Variants in DTNBP1 observed in about 807,000 individuals in gnomAD.
DTNBP1 encodes dystrobrevin binding protein 1.
A neutral mutation model predicts 42.8 loss-of-function variants in DTNBP1; 35 were observed. That is an observed-to-expected ratio of 0.82 (90% confidence interval 0.63 to 1.09). The LOEUF (loss-of-function observed/expected upper bound fraction) is 1.09, where lower values mean the gene tolerates loss of function less well. Ranked by LOEUF, DTNBP1 falls within the 50% of genes least tolerant of loss-of-function variation. DTNBP1 has a pLI of 0.00. For synonymous variants in DTNBP1, 171 were observed against 162.2 expected (o/e 1.05, Z -0.41); for missense variants, 457 against 424.2 (o/e 1.08, Z -0.68).
chr6:15,636,157 C>CTTTTTTTTTTTTTTT lies in DTNBP1; in HGVS notation c.222+1572_222+1586dup, dbSNP rs70996562. On this transcript the variant is annotated intron_variant, in intron 4 of 9. Transcript: ENST00000344537. ...GTCAAAGAACACAAATTACCTGCAC[C>CTTTTTTTTTTTTTTT]TTTTTTTTTTTTTTTGAGACAGAGT... Among the ~76,000 whole-genome samples the CTTTTTTTTTTTTTTT allele has an allele frequency of 5.4e-4, 68 of 126,990 alleles. 2 individuals carry two copies. The highest frequency in any genetic ancestry group is 1.3e-3 in the African/African-American group (41 of 31,548). 83.3% of individuals were successfully genotyped at this position (126,990 alleles called of 152,430 possible).
At chr6:15,638,284 C>T (rs970525425) in intron 3 of DTNBP1, among the ~76,000 whole-genome samples, 5 of 152,010 alleles carry the variant, frequency 3.3e-5, no homozygotes, top group African/African-American at 9.7e-5. Context: ...TGTGCCACCA[C>T]GCCCTGCTAA....
chr6:15,549,107 C>A lies in DTNBP1; in HGVS notation c.512-15712G>T, dbSNP rs183043388. On this transcript the variant is annotated intron_variant, in intron 7 of 9. Coordinates refer to ENST00000344537, the MANE Select transcript of DTNBP1 (RefSeq NM_032122.5). ...AAAATGCAGTTGCAAATAATATCAC[C>A]TACAATTTTGTTTAACTCCAAAGAT... Among the ~76,000 whole-genome samples, 8 of 152,242 alleles carry A rather than the reference C, an allele frequency of 5.3e-5. No homozygotes were observed. The East Asian group carries it at 1.4e-3, about 26-fold the overall frequency.
chr6:15,527,247 C>T (rs1366436249), intron 8 of DTNBP1, among the ~76,000 whole-genome samples: 1 of 152,008 alleles, frequency 6.6e-6, no homozygotes, highest in Non-Finnish European at 1.5e-5. Flanking sequence ...GGCAGAATGA[C>T]AATGAAAACA....
At chr6:15,659,781 T>G (rs1761496256) in intron 1 of DTNBP1, among the ~76,000 whole-genome samples, 1 of 152,136 alleles carries the variant, frequency 6.6e-6, no homozygotes. Flanking sequence ...CTTGAACTCC[T>G]GACCTCATGA....
chr6:15,561,837 A>C (rs946724752), intron 7 of DTNBP1, among the ~76,000 whole-genome samples: 1 of 152,230 alleles, frequency 6.6e-6, no homozygotes, highest in Non-Finnish European at 1.5e-5. Context: ...GCAGTAAAGA[A>C]GCCAGTCAAA....
chr6:15,617,101 C>T (rs556596889), intron 5 of DTNBP1, among the ~76,000 whole-genome samples: 1 of 152,166 alleles, frequency 6.6e-6, no homozygotes, highest in South Asian at 2.1e-4. Context: ...GTGGCTCACA[C>T]CTGTAATCTC....
At chr6:15,603,832 T>G (rs1776824977) in intron 6 of DTNBP1, among the ~76,000 whole-genome samples, 2 of 152,204 alleles carry the variant, frequency 1.3e-5, no homozygotes, top group African/African-American at 4.8e-5. Context: ...GGGAAGAGGC[T>G]CTGTGTGAGT....
intron 7 of DTNBP1, among the ~76,000 whole-genome samples, chr6:15,540,156 C>G (rs1478486191): frequency 6.6e-6 from 1 of 152,054 alleles, no homozygotes; most frequent in East Asian, 1.9e-4. Flanking sequence ...CCTTTCAGTA[C>G]TCTTAATAAA....
At chr6:15,560,078 C>T (rs1340811056) in intron 7 of DTNBP1, among the ~76,000 whole-genome samples, 1 of 152,174 alleles carries the variant, frequency 6.6e-6, no homozygotes, top group African/African-American at 2.4e-5. Flanking sequence ...GAGGCTGAGG[C>T]AGGCGGATCA....
At chr6:15,535,022 T>C (rs961323806) in intron 7 of DTNBP1, among the ~76,000 whole-genome samples, 1 of 152,148 alleles carries the variant, frequency 6.6e-6, no homozygotes, top group Non-Finnish European at 1.5e-5. Flanking sequence ...GCACGTGATA[T>C]GGTTTAGCTC....
At chr6:15,523,824 G>A (rs982709391) in intron 9 of DTNBP1, 1 of 1,287,212 alleles carries the variant, frequency 7.8e-7, no homozygotes, top group Admixed American at 2.3e-5. Flanking sequence ...ACACCGTTCT[G>A]ACAGATTGCC....
intron 5 of DTNBP1, among the ~76,000 whole-genome samples, chr6:15,618,946 G>C (rs1273683608): frequency 6.6e-6 from 1 of 152,182 alleles, no homozygotes; most frequent in Non-Finnish European, 1.5e-5. Flanking sequence ...AAGCCTCGAG[G>C]ACATTATGTT....
intron 3 of DTNBP1, among the ~76,000 whole-genome samples, chr6:15,649,367 C>T (rs1449850946): frequency 6.6e-6 from 1 of 152,126 alleles, no homozygotes; most frequent in East Asian, 1.9e-4. Flanking sequence ...GCAACATAAA[C>T]TTTGAAAACA....
chr6:15,586,120 A>T, intron 7 of DTNBP1: 1 of 824,718 alleles, frequency 1.2e-6, no homozygotes. Context: ...AGGTACAAAG[A>T]TGCTTTAGTA....
intron 4 of DTNBP1, among the ~76,000 whole-genome samples, chr6:15,629,940 C>T (rs941648766): frequency 6.6e-6 from 1 of 152,070 alleles, no homozygotes; most frequent in Non-Finnish European, 1.5e-5. Context: ...GTACTGTTAC[C>T]TATTCATTTT....
At chr6:15,580,174 A>C (rs1775766454) in intron 7 of DTNBP1, among the ~76,000 whole-genome samples, 1 of 152,182 alleles carries the variant, frequency 6.6e-6, no homozygotes. Context: ...CAGAAGCAAA[A>C]ACAGTTCATA....
chr6:15,547,458 C>T (rs1355937142), intron 7 of DTNBP1, among the ~76,000 whole-genome samples: 1 of 152,234 alleles, frequency 6.6e-6, no homozygotes, highest in African/African-American at 2.4e-5. Flanking sequence ...CACTGCATTA[C>T]TTCATTTACA....
chr6:15,617,393 A>G (rs1384284363), intron 5 of DTNBP1, among the ~76,000 whole-genome samples: 3 of 152,198 alleles, frequency 2.0e-5, no homozygotes, highest in African/African-American at 7.2e-5. Context: ...ATGGAATCAC[A>G]CAAGACCCTG....
chr6:15,609,093 C>T (rs1581388451), intron 6 of DTNBP1, among the ~76,000 whole-genome samples: 1 of 151,916 alleles, frequency 6.6e-6, no homozygotes, highest in South Asian at 2.1e-4. Context: ...CTTAGTTTTT[C>T]CTCAGACTTT....
Sources: gnomAD v4.1 joint callset for allele counts (sites outside exome capture counted in the v4.1 genomes callset) on GRCh38, gnomAD v4.1.1 for gene constraint, MANE v1.5 for transcripts, NCBI Gene and HGNC (gene_info 2026-07-23, HGNC 2026-07-21) for gene names.